The following PDE4D variants were observed in gnomAD, a reference collection of about 807,000 sequenced individuals.
The protein encoded by PDE4D is phosphodiesterase 4D.
PDE4D carries 24 observed loss-of-function variants against 87.4 expected under a neutral mutation model. The observed-to-expected ratio is 0.27, with a 90% CI of 0.20 to 0.39. The LOEUF (loss-of-function observed/expected upper bound fraction) is 0.39, where lower values mean the gene tolerates loss of function less well. Ranked by LOEUF, PDE4D falls within the 10% of genes least tolerant of loss-of-function variation. PDE4D has a pLI of 1.00. For missense variants in PDE4D, 714 were observed against 1,041.0 expected, an observed-to-expected ratio of 0.69 and a Z score of 4.32; for synonymous variants, 384 against 383.2, an observed-to-expected ratio of 1.00 and a Z score of -0.02.
At chr5:58,990,367 G>A (rs556809049) in intron 9 of PDE4D, among the ~76,000 whole-genome samples, 2 of 152,062 alleles carry the variant, frequency 1.3e-5, no homozygotes, top group Admixed American at 6.6e-5. Context: ...GGAGCAAAGG[G>A]TCAATAAGAG....
At chr5:59,643,611 A>T (rs866127427) in intron 1 of PDE4D, among the ~76,000 whole-genome samples, 1 of 152,208 alleles carries the variant, frequency 6.6e-6, no homozygotes, top group South Asian at 2.1e-4. Context: ...AAAGAAAAAA[A>T]TGTATGGTGA....
intron 2 of PDE4D, among the ~76,000 whole-genome samples, chr5:60,088,738 A>T (rs1161058897): frequency 2.0e-5 from 3 of 151,974 alleles, no homozygotes; most frequent in African/African-American, 7.2e-5. Flanking sequence ...AGTAAGAGAG[A>T]GAGAGAAAAA....
chr5:60,401,251 C>A lies in PDE4D; in HGVS notation c.-90+86691G>T, dbSNP rs558235081. On this transcript the variant is annotated intron_variant, in intron 1 of 16. Coordinates refer to the PDE4D transcript ENST00000502484. ...AGGAGACTGCACAAAAAGCCGGCTT[C>A]ATGCTCCATACAGTACAGTGGGCAT... 3.3e-4 allele frequency among the ~76,000 whole-genome samples: 51 copies of A among 152,298 alleles called. 1 individual carries two copies. Among genetic ancestry groups the A allele is most frequent in the African/African-American group, 1.1e-3 (45 of 41,572 alleles).
intron 1 of PDE4D, among the ~76,000 whole-genome samples, chr5:59,348,397 A>AT (rs1343894591): frequency 2.0e-5 from 3 of 151,846 alleles, no homozygotes; most frequent in South Asian, 2.1e-4. Context: ...AGGTGAGAGA[A>AT]TTTTTTGGCA....
chr5:60,099,994 T>G (rs186343845), intron 2 of PDE4D, among the ~76,000 whole-genome samples: 95 of 152,070 alleles, frequency 6.2e-4, no homozygotes, highest in African/African-American at 2.3e-3. Flanking sequence ...CTGGAACAAC[T>G]CAAATATTCC....
intron 3 of PDE4D, among the ~76,000 whole-genome samples, chr5:59,951,251 T>C (rs1758266706): frequency 6.6e-6 from 1 of 152,188 alleles, no homozygotes; most frequent in Non-Finnish European, 1.5e-5. Flanking sequence ...TATTCTCTTA[T>C]ATCTAATGTC....
chr5:60,319,392 G>A (rs757454584), intron 1 of PDE4D, among the ~76,000 whole-genome samples: 10 of 152,170 alleles, frequency 6.6e-5, no homozygotes, highest in Admixed American at 2.6e-4. Flanking sequence ...TCGTCTTATC[G>A]TTTTTCAAGG....
At chr5:60,267,799 T>G (rs1750371272) in intron 1 of PDE4D, among the ~76,000 whole-genome samples, 1 of 152,140 alleles carries the variant, frequency 6.6e-6, no homozygotes, top group South Asian at 2.1e-4. Context: ...AGATCTGTGT[T>G]TGCTGTCTTT....
chr5:60,493,090 G>C (rs1448263891), intron 1 of PDE4D, among the ~76,000 whole-genome samples: 3 of 152,056 alleles, frequency 2.0e-5, no homozygotes, highest in Admixed American at 6.6e-5. Context: ...TTTTTTGCCT[G>C]GTTCTCAATT....
At chr5:60,092,050 CAAAAAAAAAAAAAAAAAA>C (rs66814905) in intron 2 of PDE4D, among the ~76,000 whole-genome samples, 2 of 55,992 alleles carry the variant, frequency 3.6e-5, no homozygotes, top group Non-Finnish European at 6.5e-5. Context: ...AACTCCGTCT[CAAAAAAAAAAAAAAAAAA>C]AAAAAAAAAA....
At chr5:59,724,326 T>C (rs1047180225) in intron 1 of PDE4D, among the ~76,000 whole-genome samples, 3 of 152,108 alleles carry the variant, frequency 2.0e-5, no homozygotes, top group Non-Finnish European at 1.5e-5. Context: ...ATTACTCTGA[T>C]AGAGAAAGAT....
At chr5:60,154,059 A>G (rs1174596464) in intron 2 of PDE4D, among the ~76,000 whole-genome samples, 1 of 152,196 alleles carries the variant, frequency 6.6e-6, no homozygotes, top group African/African-American at 2.4e-5. Flanking sequence ...ACAGCAGGTC[A>G]AAAATAACAC....
intron 1 of PDE4D, among the ~76,000 whole-genome samples, chr5:60,405,509 C>T (rs921416942): frequency 7.9e-5 from 12 of 152,228 alleles, no homozygotes; most frequent in Non-Finnish European, 1.3e-4. Flanking sequence ...TCAAACCATT[C>T]CACATAGGTG....
intron 5 of PDE4D, among the ~76,000 whole-genome samples, chr5:59,175,780 C>CTTTTTTTTT (rs1783767325): frequency 2.2e-5 from 2 of 91,554 alleles, no homozygotes; most frequent in African/African-American, 1.0e-4. Context: ...GCCCGGCCTC[C>CTTTTTTTTT]ATTTTTTTTT....
At chr5:59,966,666 G>T (rs1760092281) in intron 3 of PDE4D, among the ~76,000 whole-genome samples, 1 of 152,160 alleles carries the variant, frequency 6.6e-6, no homozygotes, top group African/African-American at 2.4e-5. Flanking sequence ...TGTCATCTGA[G>T]TTTGGTTTTC....
At chr5:59,819,153 C>G (rs898952402) in intron 1 of PDE4D, among the ~76,000 whole-genome samples, 1 of 152,134 alleles carries the variant, frequency 6.6e-6, no homozygotes, top group Non-Finnish European at 1.5e-5. Context: ...ATGTTTTCAT[C>G]CAGGCTATGC....
At chr5:59,281,834 C>T (rs574747510) in intron 1 of PDE4D, among the ~76,000 whole-genome samples, 1 of 152,256 alleles carries the variant, frequency 6.6e-6, no homozygotes, top group East Asian at 1.9e-4. Flanking sequence ...AAGGTAGATT[C>T]AGAATCACAT....
chr5:58,969,632 ATATATAAT>A lies in PDE4D; in HGVS notation c.*5024_*5031del, dbSNP rs1561186535. 6.6e-6 allele frequency: 1 copy of A among 152,160 alleles called. No individual in the cohort carries two copies. Among genetic ancestry groups the A allele is most frequent in the Non-Finnish European group, 1.5e-5 (1 of 68,036 alleles). The allele number at this position is 152,160 out of a possible 1,614,324, so 9.4% of individuals were successfully genotyped here. ...TGAGCTCCTTCATTGTACTGATCAC[ATATATAAT>A]TATATGAGTATTGTTTAAGCCTTTG... On this transcript the variant is annotated 3_prime_UTR_variant, in exon 15 of 15. Coordinates refer to ENST00000340635, the MANE Select transcript of PDE4D (RefSeq NM_001104631.2).
intron 1 of PDE4D, among the ~76,000 whole-genome samples, chr5:60,185,997 G>A (rs1784755186): frequency 6.6e-6 from 1 of 151,150 alleles, no homozygotes. Flanking sequence ...AAATGAAGAT[G>A]CAAACTGAAT....
Sources: allele counts gnomAD v4.1 joint callset (sites outside exome capture counted in the v4.1 genomes callset), GRCh38; gene constraint gnomAD v4.1.1; transcripts MANE v1.5; gene names NCBI Gene and HGNC (gene_info 2026-07-23, HGNC 2026-07-21).